PLD5: variants seen among roughly 807,000 people sequenced by gnomAD.
The protein encoded by PLD5 is inactive phospholipase D5.
Under a neutral mutation model 61.1 loss-of-function variants are expected in PLD5, and 36 were observed. The ratio of observed to expected loss-of-function variants is 0.59; its 90% CI spans 0.45 to 0.78. The LOEUF is 0.78. Among genes scored for constraint, PLD5 ranks in the 30% least tolerant of loss-of-function variants. The pLI, the probability that PLD5 is intolerant of heterozygous loss-of-function variation, is 0.00. For missense variants in PLD5, 515 were observed against 644.4 expected, an observed-to-expected ratio of 0.80 and a Z score of 2.17; for synonymous variants, 243 against 242.8, an observed-to-expected ratio of 1.00 and a Z score of -0.01.
intron 1 of PLD5, among the ~76,000 whole-genome samples, chr1:242,500,142 C>T (rs946727775): frequency 6.6e-6 from 1 of 152,112 alleles, no homozygotes; most frequent in East Asian, 1.9e-4. Flanking sequence ...TGTCATAGTA[C>T]ATTGGTCAAA....
chr1:242,246,517 A>AC lies in PLD5; in HGVS notation c.607+18819_607+18820insG, dbSNP rs60224534. Reference sequence around the variant, plus strand: ...CACACACACACACACACACACACACAAAAGCAAAATCAGCTATAATCTCAT... The same window carrying AC: ...CACACACACACACACACACACACACACAAAGCAAAATCAGCTATAATCTCAT... On this transcript the variant is annotated intron_variant, in intron 4 of 9. Transcript: ENST00000536534. Among the ~76,000 whole-genome samples the AC allele has an allele frequency of 4.1e-3, 624 of 150,724 alleles. 3 individuals are homozygous for AC. Among genetic ancestry groups the AC allele is most frequent in the African/African-American group, 0.013 (533 of 41,104 alleles).
chr1:242,251,809 A>G (rs2917443), intron 4 of PLD5, among the ~76,000 whole-genome samples: 34 of 152,292 alleles, frequency 2.2e-4, no homozygotes, highest in Middle Eastern at 3.4e-3. Flanking sequence ...TTCCTGAAAA[A>G]GTGGGACCAG....
intron 1 of PLD5, among the ~76,000 whole-genome samples, chr1:242,467,826 G>A (rs1000423347): frequency 1.3e-5 from 2 of 152,188 alleles, no homozygotes; most frequent in African/African-American, 2.4e-5. Context: ...TTGTTAGAGA[G>A]TTTATAAGCT....
intron 5 of PLD5, among the ~76,000 whole-genome samples, chr1:242,139,751 C>G (rs1280020707): frequency 6.6e-6 from 1 of 152,146 alleles, no homozygotes; most frequent in Non-Finnish European, 1.5e-5. Context: ...GAGAGATGTC[C>G]TGTAATTCTT....
At chr1:242,205,711 A>G (rs1413775276) in intron 5 of PLD5, among the ~76,000 whole-genome samples, 2 of 152,172 alleles carry the variant, frequency 1.3e-5, no homozygotes, top group Non-Finnish European at 2.9e-5. Context: ...CTTTCCTAGG[A>G]GGTAAAACAT....
intron 4 of PLD5, among the ~76,000 whole-genome samples, chr1:242,227,887 G>A (rs1401353409): frequency 6.6e-6 from 1 of 152,192 alleles, no homozygotes; most frequent in Non-Finnish European, 1.5e-5. Context: ...TCAGATACTT[G>A]TTGAGTAGGA....
chr1:242,498,670 G>A lies in PLD5; in HGVS notation c.189+25418C>T, dbSNP rs139690828. ...GCTGTAATGTCACCCTCTTACAGAG[G>A]CTTTCCCTAATGTTCCTAACTAAAA... On this transcript the variant is annotated intron_variant, in intron 1 of 9. Transcript: ENST00000536534. Among the ~76,000 whole-genome samples, 487 of 152,246 alleles carry A rather than the reference G, an allele frequency of 3.2e-3. 3 individuals are homozygous for A. The highest frequency in any genetic ancestry group is 0.011 in the African/African-American group (464 of 41,552).
intron 3 of PLD5, among the ~76,000 whole-genome samples, chr1:242,287,990 G>A (rs1257310756): frequency 6.6e-6 from 1 of 152,180 alleles, no homozygotes; most frequent in Non-Finnish European, 1.5e-5. Context: ...AAATGCCTCA[G>A]CGAGCAGTTA....
chr1:242,275,765 T>A (rs1326099617), intron 3 of PLD5, among the ~76,000 whole-genome samples: 2 of 152,090 alleles, frequency 1.3e-5, no homozygotes, highest in Non-Finnish European at 2.9e-5. Context: ...ATGTTCCAGG[T>A]GGAGCCTATG....
In PLD5 at chr1:242,447,810, C is replaced by T. The variant is rs538507792; in HGVS notation, c.189+76278G>A. On this transcript the variant is annotated intron_variant, in intron 1 of 9. Transcript: ENST00000536534. ...CCCCTGACCTGCTCCTCATTTCTCC[C>T]TGAATACTGTAAGAGAATATCACTA... Among the ~76,000 whole-genome samples the T allele has an allele frequency of 4.6e-5, 7 of 152,286 alleles. No homozygotes were observed. The East Asian group carries it at 1.2e-3, about 25-fold the overall frequency.
chr1:242,249,069 T>C (rs920162603), intron 4 of PLD5, among the ~76,000 whole-genome samples: 3 of 152,138 alleles, frequency 2.0e-5, no homozygotes, highest in African/African-American at 2.4e-5. Flanking sequence ...TGGGCCAAGA[T>C]GGCACCACTG....
chr1:242,284,113 T>C (rs1411379986), intron 3 of PLD5, among the ~76,000 whole-genome samples: 2 of 135,440 alleles, frequency 1.5e-5, no homozygotes, highest in Non-Finnish European at 3.0e-5. Context: ...AATCTTTTTC[T>C]TTTTCCTTTT....
chr1:242,314,531 C>T (rs182619312), intron 2 of PLD5, among the ~76,000 whole-genome samples: 12 of 152,304 alleles, frequency 7.9e-5, no homozygotes, highest in Admixed American at 6.5e-4. Flanking sequence ...TCCTTCTCTC[C>T]GAACTAGGGC....
At chr1:242,341,805 T>C (rs1377092204) in intron 2 of PLD5, among the ~76,000 whole-genome samples, 1 of 141,390 alleles carries the variant, frequency 7.1e-6, no homozygotes, top group East Asian at 2.0e-4. Context: ...GACTGAGACA[T>C]AGAGATACAG....
At chr1:242,390,080 G>C (rs1430953904) in intron 1 of PLD5, among the ~76,000 whole-genome samples, 1 of 46,154 alleles carries the variant, frequency 2.2e-5, no homozygotes, top group Non-Finnish European at 5.5e-5. Flanking sequence ...GAGTGCAGTG[G>C]CGCCATCTCA....
chr1:242,123,553 G>C (rs1021524386), intron 6 of PLD5, among the ~76,000 whole-genome samples: 1 of 152,082 alleles, frequency 6.6e-6, no homozygotes, highest in African/African-American at 2.4e-5. Context: ...GGACCACACA[G>C]ATCTGCCAGT....
At chr1:242,517,603 T>C (rs546363563) in intron 1 of PLD5, among the ~76,000 whole-genome samples, 22 of 152,340 alleles carry the variant, frequency 1.4e-4, no homozygotes, top group Non-Finnish European at 3.1e-4. Context: ...GTATACTTTA[T>C]CATCTAAACA....
intron 5 of PLD5, among the ~76,000 whole-genome samples, chr1:242,161,672 T>TGATTCTGAC (rs1665840320): frequency 6.6e-6 from 1 of 152,154 alleles, no homozygotes; most frequent in Non-Finnish European, 1.5e-5. Context: ...TCACAGCAGT[T>TGATTCTGAC]GATTCTGACT....
At chr1:242,118,070 A>G (rs1365452234) in intron 6 of PLD5, among the ~76,000 whole-genome samples, 1 of 152,178 alleles carries the variant, frequency 6.6e-6, no homozygotes, top group Non-Finnish European at 1.5e-5. Flanking sequence ...AGGCAGAGTT[A>G]TCTGTGGTCT....
Sources: allele counts gnomAD v4.1 joint callset (sites outside exome capture counted in the v4.1 genomes callset), GRCh38; gene constraint gnomAD v4.1.1; transcripts MANE v1.5; gene names NCBI Gene and HGNC (gene_info 2026-07-23, HGNC 2026-07-21).